NRIP1: variants seen among roughly 807,000 people sequenced by gnomAD.
NRIP1 encodes the protein nuclear receptor-interacting protein 1.
In NRIP1, 28 loss-of-function variants were observed where a neutral mutation model predicts 75.0. The observed-to-expected ratio is 0.37, with a 90% confidence interval of 0.28 to 0.51. NRIP1 has a LOEUF of 0.51. Among genes scored for constraint, NRIP1 ranks in the 20% least tolerant of loss-of-function variants. The probability of loss-of-function intolerance (pLI) is 0.92; values close to 1 mark genes in which losing one functional copy is unlikely to be tolerated. For missense variants in NRIP1, 1,435 were observed against 1,343.7 expected (o/e 1.07, Z -1.06); for synonymous variants, 526 against 487.6 (o/e 1.08, Z -1.04).
At chr21:15,036,724 A>T (rs140189850) in intron 2 of NRIP1, among the ~76,000 whole-genome samples, 25 of 152,186 alleles carry the variant, frequency 1.6e-4, no homozygotes, top group Admixed American at 3.3e-4. Context: ...TAGAATCTCC[A>T]CTAGCCAGGC....
intron 1 of NRIP1, among the ~76,000 whole-genome samples, chr21:15,064,027 T>C (rs1240936331): frequency 6.6e-6 from 1 of 152,204 alleles, no homozygotes; most frequent in Non-Finnish European, 1.5e-5. Flanking sequence ...GTCTGCAGAA[T>C]ACATCCACGG....
In NRIP1 at chr21:14,966,407, A is replaced by T; in HGVS notation, c.1786T>A (p.Ser596Thr). The T allele has an allele frequency of 6.2e-7, 1 of 1,614,056 alleles. No homozygotes were observed. The highest frequency in any genetic ancestry group is 8.5e-7 in the Non-Finnish European group (1 of 1,179,968). ...TQSEKLTNTA[S>T]NHSMDLTKSK... The stretch of plus-strand genomic sequence containing the variant: ...TTTGTAAGGTCCATTGAGTGGTTAG[A>T]TGCAGTATTTGTTAGCTTTTCAGAC... The change falls in exon 4 of 4, where the codon TCT becomes ACT. Residue 596 changes from serine to threonine, a missense_variant. Ser to Thr is a moderately conservative substitution (Grantham distance 58, BLOSUM62 1). Transcript: ENST00000318948.
chr21:15,055,019 G>T (rs2089276504), intron 1 of NRIP1, among the ~76,000 whole-genome samples: 1 of 152,140 alleles, frequency 6.6e-6, no homozygotes, highest in Admixed American at 6.6e-5. Flanking sequence ...GCCAGTGTGT[G>T]GTCCATGAAA....
rs2086667658 is a variant in NRIP1 at position 14,964,459 on chromosome 21, A to C, written c.*257T>G. ...ATATTTATAAAAGAATTTCATTCAT[A>C]GGCTACTCACAGTTGTTATCTGATG... On this transcript the variant is annotated 3_prime_UTR_variant, in exon 4 of 4. Coordinates refer to ENST00000318948, the MANE Select transcript of NRIP1 (RefSeq NM_003489.4). 3.1e-6 allele frequency: 1 copy of C among 322,646 alleles called. No individual in the cohort carries two copies. Among genetic ancestry groups the C allele is most frequent in the South Asian group, 1.2e-4 (1 of 8,026 alleles). 20.0% of individuals were successfully genotyped at this position (322,646 alleles called of 1,614,324 possible).
intron 3 of NRIP1, among the ~76,000 whole-genome samples, chr21:14,970,590 T>G (rs1237713049): frequency 6.6e-6 from 1 of 152,094 alleles, no homozygotes; most frequent in Non-Finnish European, 1.5e-5. Context: ...TACAATTAAT[T>G]CTCAACTAGT....
intron 2 of NRIP1, among the ~76,000 whole-genome samples, chr21:15,030,143 C>T (rs2088610908): frequency 6.6e-6 from 1 of 152,176 alleles, no homozygotes; most frequent in Non-Finnish European, 1.5e-5. Flanking sequence ...AGCCATCTTT[C>T]AACCATGAGG....
intron 1 of NRIP1, chr21:15,050,984 G>C (rs2089188939): frequency 2.7e-5 from 12 of 440,860 alleles, no homozygotes; most frequent in Non-Finnish European, 5.0e-5. Flanking sequence ...ATTAGTAGTA[G>C]TAGCAGTAGC....
Position 14,964,729 on chromosome 21 carries a change from T to C in NRIP1, c.3464A>G (p.Lys1155Arg). 1 of 1,543,422 alleles carries C rather than the reference T, an allele frequency of 6.5e-7. No homozygotes were observed. Among genetic ancestry groups the C allele is most frequent in the Non-Finnish European group, 8.7e-7 (1 of 1,152,062 alleles). The part of the protein sequence containing the change: ...GLLGSVLTIK[K>R]ESE ...GGCAGGTACATTTTATTCTGATTCTTTCTTTATCGTTAGCACGCTTCCCAG... is the reference window on the plus strand; with the variant it reads ...GGCAGGTACATTTTATTCTGATTCTCTCTTTATCGTTAGCACGCTTCCCAG... The change falls in exon 4 of 4, where the codon AAA (lysine) becomes AGA (arginine). Residue 1155 changes from lysine (K) to arginine (R), a missense_variant. Coordinates refer to ENST00000318948, the MANE Select transcript of NRIP1 (RefSeq NM_003489.4).
At chr21:15,057,620 T>G (rs867919199) in intron 1 of NRIP1, among the ~76,000 whole-genome samples, 1 of 152,126 alleles carries the variant, frequency 6.6e-6, no homozygotes, top group Non-Finnish European at 1.5e-5. Context: ...GGCTACCAGG[T>G]TGGGAGCAAG....
chr21:15,029,794 C>CTG (rs548554353), intron 2 of NRIP1, among the ~76,000 whole-genome samples: 7 of 151,220 alleles, frequency 4.6e-5, no homozygotes, highest in Non-Finnish European at 2.9e-5. Context: ...CCAGCCTGGG[C>CTG]AACAGAGTCC....
intron 3 of NRIP1, among the ~76,000 whole-genome samples, chr21:15,012,447 CTT>C (rs869160226): frequency 2.0e-4 from 16 of 79,376 alleles, no homozygotes; most frequent in African/African-American, 7.1e-4. Context: ...ATTATAATGT[CTT>C]TTTTTTTTTT....
chr21:15,024,567 A>AGTGTGTGTGT (rs60376904), intron 2 of NRIP1, among the ~76,000 whole-genome samples: 3,850 of 145,634 alleles, frequency 0.026, 171 homozygotes, highest in African/African-American at 0.088. Flanking sequence ...TGGTATCCAG[A>AGTGTGTGTGT]GTGTGTGTGT....
chr21:14,987,481 T>C (rs2087438452), intron 3 of NRIP1, among the ~76,000 whole-genome samples: 1 of 152,330 alleles, frequency 6.6e-6, no homozygotes, highest in East Asian at 1.9e-4. Context: ...ACCAGGTCTG[T>C]CACCTTGTTA....
rs2086791988 is a variant in NRIP1 at position 14,967,593 on chromosome 21, A to C, written c.600T>G (p.Asp200Glu). The C allele has an allele frequency of 6.2e-7, 1 of 1,613,952 alleles. No homozygotes were observed. The highest frequency in any genetic ancestry group is 8.5e-7 in the Non-Finnish European group (1 of 1,180,012). Residue 200 changes from aspartate to glutamate, a missense_variant, in exon 4 of 4, where the codon GAT becomes GAG. Asp to Glu is a conservative substitution (Grantham distance 45). Transcript: ENST00000318948. ...KKSKVKDQKP[D>E]TNLPDVTKNL... is the part of the protein sequence containing the mutation. ...TTTTAGTCACATCAGGAAGATTCGTATCAGGCTTTTGATCTTTAACTTTAC... is the reference window on the plus strand; with the variant it reads ...TTTTAGTCACATCAGGAAGATTCGTCTCAGGCTTTTGATCTTTAACTTTAC...
At position 15,063,518 on chromosome 21, in the gene NRIP1, TTAAAGA is replaced by T. The variant is rs552865745; in HGVS notation, c.-538+1221_-538+1226del. On this transcript the variant is annotated intron_variant, in intron 1 of 3. Coordinates refer to ENST00000318948, the MANE Select transcript of NRIP1 (RefSeq NM_003489.4). ...AGCAGGTTCAATGCAATTCATAACT[TTAAAGA>T]ATGAATTACCGAAGCCCCTTGCTTC... Among the ~76,000 whole-genome samples the T allele has an allele frequency of 6.6e-5, 10 of 152,300 alleles. No homozygotes were observed. In the South Asian group the frequency reaches 2.1e-3, roughly 32 times the overall value.
At chr21:15,010,762 C>T (rs1170957022) in intron 3 of NRIP1, among the ~76,000 whole-genome samples, 2 of 152,262 alleles carry the variant, frequency 1.3e-5, no homozygotes, top group Admixed American at 6.5e-5. Flanking sequence ...GTAAACAGGC[C>T]TGCCAGCACA....
chr21:15,040,784 C>T (rs894324678), intron 2 of NRIP1, among the ~76,000 whole-genome samples: 2 of 151,984 alleles, frequency 1.3e-5, no homozygotes, highest in African/African-American at 2.4e-5. Flanking sequence ...AAATAGGTAA[C>T]TTATTTTTTA....
At chr21:15,002,372 C>T (rs1200246530) in intron 3 of NRIP1, 2 of 152,198 alleles carry the variant, frequency 1.3e-5, no homozygotes, top group African/African-American at 4.8e-5. Context: ...ACCACAACTA[C>T]TAATCAAGTA....
chr21:15,060,598 A>G lies in NRIP1; in HGVS notation c.-538+4147T>C, dbSNP rs73891935. Among the ~76,000 whole-genome samples, 1,164 of 152,234 alleles carry G rather than the reference A, an allele frequency of 7.6e-3. 15 individuals are homozygous for G. Among genetic ancestry groups the G allele is most frequent in the African/African-American group, 0.025 (1,058 of 41,534 alleles). ...AGAAAATGTGATCTAATATTAATTC[A>G]TTTTCCTCCAAAGTATAACTCCTGA... On this transcript the variant is annotated intron_variant, in intron 1 of 3. Coordinates refer to ENST00000318948, the MANE Select transcript of NRIP1 (RefSeq NM_003489.4).
Sources: allele counts gnomAD v4.1 joint callset (sites outside exome capture counted in the v4.1 genomes callset), GRCh38; gene constraint gnomAD v4.1.1; transcripts MANE v1.5; gene names NCBI Gene and HGNC (gene_info 2026-07-23, HGNC 2026-07-21).